ATP9B: variants seen among roughly 807,000 people sequenced by gnomAD.
ATP9B encodes ATPase phospholipid transporting 9B.
Under a neutral mutation model 146.1 loss-of-function variants are expected in ATP9B, and 110 were observed. The ratio of observed to expected loss-of-function variants is 0.75; its 90% CI spans 0.65 to 0.88. The LOEUF (loss-of-function observed/expected upper bound fraction) is 0.88, where lower values mean the gene tolerates loss of function less well. Among genes scored for constraint, ATP9B ranks in the 40% least tolerant of loss-of-function variants. ATP9B has a pLI of 0.00. For synonymous variants in ATP9B, 604 were observed against 569.7 expected (o/e 1.06, Z -0.86); for missense variants, 1,499 against 1,496.4 (o/e 1.00, Z -0.03).
chr18:79,077,461 A>G (rs546787792), intron 1 of ATP9B, among the ~76,000 whole-genome samples: 2 of 152,296 alleles, frequency 1.3e-5, no homozygotes, highest in Admixed American at 1.3e-4. Context: ...CTGACATTGC[A>G]TGGGTGGTGT....
rs1455744981 is a variant in ATP9B, at chr18:79,305,446, A to G, written c.1525-1540A>G. ...AACAAACATACGTACACAGCCAAAC[A>G]CTTTATTATTTTGGATGTAATTCAT... is the stretch of plus-strand genomic sequence containing the variant. On this transcript the variant is annotated intron_variant, in intron 14 of 29. Coordinates refer to ENST00000426216, the MANE Select transcript of ATP9B (RefSeq NM_198531.5). 2.6e-5 allele frequency among the ~76,000 whole-genome samples: 4 copies of G among 152,136 alleles called. 1 individual carries two copies. The South Asian group carries it at 6.2e-4, about 24-fold the overall frequency.
rs769469626 is a variant in ATP9B, at chr18:79,330,075, G to A, written c.1999G>A (p.Val667Met). Residue 667 changes from valine to methionine, a missense_variant, in exon 17 of 30, where the codon GTG (valine) becomes ATG (methionine). By Grantham distance (21) the Val-to-Met change is conservative. Transcript: ENST00000426216. The part of the protein sequence containing the change: ...KGADVAMSPI[V>M]QYNDWLEEEC... ...CGCTGACGTGGCCATGTCTCCTATCGTGCAGTATAATGACTGGCTGGAAGA... is the reference window on the plus strand; with the variant it reads ...CGCTGACGTGGCCATGTCTCCTATCATGCAGTATAATGACTGGCTGGAAGA... 323 of 1,614,024 alleles carry A rather than the reference G, an allele frequency of 2.0e-4. 1 individual carries two copies. The East Asian group carries it at 4.7e-3, about 23-fold the overall frequency.
intron 4 of ATP9B, among the ~76,000 whole-genome samples, chr18:79,120,648 CAG>C (rs1457528709): frequency 2.0e-5 from 3 of 152,138 alleles, no homozygotes; most frequent in Admixed American, 6.5e-5. Flanking sequence ...AGTAACAAAA[CAG>C]AATGTCATGC....
chr18:79,150,243 G>T (rs183920757), intron 6 of ATP9B, among the ~76,000 whole-genome samples: 1 of 151,822 alleles, frequency 6.6e-6, no homozygotes, highest in Non-Finnish European at 1.5e-5. Context: ...GTGAAGAAGC[G>T]GATCACTTGT....
At chr18:79,169,326 C>CT (rs2095034286) in intron 7 of ATP9B, among the ~76,000 whole-genome samples, 1 of 152,164 alleles carries the variant, frequency 6.6e-6, no homozygotes, top group Non-Finnish European at 1.5e-5. Flanking sequence ...ACTTGTTATA[C>CT]TGTCACCTAA....
Position 79,377,333 on chromosome 18 carries a change from T to C in ATP9B, c.3394T>C (p.Tyr1132His). 2 of 1,611,704 alleles carry C rather than the reference T, an allele frequency of 1.2e-6. No individual in the cohort carries two copies. The highest frequency in any genetic ancestry group is 2.2e-5 in the South Asian group (2 of 91,084). The change falls in exon 30 of 30, where the codon TAC becomes CAC. Residue 1132 changes from tyrosine (Y) to histidine (H), a missense_variant. Coordinates refer to ENST00000426216, the MANE Select transcript of ATP9B (RefSeq NM_198531.5). ...CTGCCTCCCGCTGTATGTCCTCAAG[T>C]ACCTGAGGCGCAAGCTCTCTCCTCC... is the stretch of plus-strand genomic sequence containing the variant. ...VSCLPLYVLKYLRRKLSPPSY... is the reference protein window; with the variant it reads ...VSCLPLYVLKHLRRKLSPPSY...
chr18:79,070,638 G>T (rs767166982), intron 1 of ATP9B, among the ~76,000 whole-genome samples: 4 of 151,644 alleles, frequency 2.6e-5, no homozygotes, highest in Non-Finnish European at 4.4e-5. Context: ...TTTCAAAATA[G>T]GTTTCCATCA....
intron 25 of ATP9B, among the ~76,000 whole-genome samples, chr18:79,348,709 C>T (rs1420100808): frequency 1.3e-5 from 2 of 152,266 alleles, no homozygotes; most frequent in Non-Finnish European, 2.9e-5. Flanking sequence ...GGCGCGGTGG[C>T]TCACGCCTGT....
intron 8 of ATP9B, among the ~76,000 whole-genome samples, chr18:79,192,509 G>A (rs986849919): frequency 3.9e-5 from 6 of 152,208 alleles, no homozygotes; most frequent in African/African-American, 1.4e-4. Flanking sequence ...ACCAGGCTCA[G>A]CCTTGCCTCT....
intron 1 of ATP9B, among the ~76,000 whole-genome samples, chr18:79,079,240 G>A (rs1280296007): frequency 6.6e-6 from 1 of 152,194 alleles, no homozygotes; most frequent in Non-Finnish European, 1.5e-5. Flanking sequence ...TTGCTACACT[G>A]TCTTCCACAA....
At chr18:79,203,538 GAGTGTTC>G (rs2095507678) in intron 9 of ATP9B, among the ~76,000 whole-genome samples, 1 of 152,202 alleles carries the variant, frequency 6.6e-6, no homozygotes, top group Non-Finnish European at 1.5e-5. Flanking sequence ...AGAATTTCAT[GAGTGTTC>G]TTTTGTTTAT....
chr18:79,159,623 C>T (rs1169288151), intron 7 of ATP9B, among the ~76,000 whole-genome samples: 1 of 152,200 alleles, frequency 6.6e-6, no homozygotes, highest in African/African-American at 2.4e-5. Context: ...TCAGCTACAG[C>T]TCCATTGCCT....
chr18:79,079,274 A>T (rs1321215044), intron 1 of ATP9B, among the ~76,000 whole-genome samples: 1 of 152,224 alleles, frequency 6.6e-6, no homozygotes, highest in African/African-American at 2.4e-5. Context: ...TTACACTCCC[A>T]CCAACAGTAT....
At position 79,307,119 on chromosome 18, in the gene ATP9B, A is replaced by G. The variant is rs776019637; in HGVS notation, c.1658A>G (p.Asn553Ser). 2 of 1,614,238 alleles carry G rather than the reference A, an allele frequency of 1.2e-6. No homozygotes were observed. The highest frequency in any genetic ancestry group is 1.1e-5 in the South Asian group (1 of 91,076). ...GTGAAAGCCATCGTGCTGTGTCACA[A>G]CGTGACCCCCGTGTATGAGTCTCGG... Reference protein sequence around the residue: ...EAVKAIVLCHNVTPVYESRAG... With the variant: ...EAVKAIVLCHSVTPVYESRAG... The change falls in exon 15 of 30, where the codon AAC (asparagine) becomes AGC (serine). Residue 553 changes from asparagine to serine, a missense_variant. By Grantham distance (46) the Asn-to-Ser change is conservative (BLOSUM62 1). Transcript: ENST00000426216.
intron 11 of ATP9B, among the ~76,000 whole-genome samples, chr18:79,214,905 T>C (rs2095613176): frequency 6.6e-6 from 1 of 152,172 alleles, no homozygotes; most frequent in Non-Finnish European, 1.5e-5. Context: ...TACAGCACTT[T>C]GGGAGGCTGA....
chr18:79,087,043 C>T (rs1364198982), intron 1 of ATP9B, among the ~76,000 whole-genome samples: 3 of 152,194 alleles, frequency 2.0e-5, no homozygotes, highest in African/African-American at 7.2e-5. Context: ...ATTTCTCACA[C>T]TTCTTGAGGC....
chr18:79,210,373 G>A (rs1335151933), intron 10 of ATP9B, among the ~76,000 whole-genome samples: 1 of 152,154 alleles, frequency 6.6e-6, no homozygotes, highest in Non-Finnish European at 1.5e-5. Context: ...CCTGGGTGCG[G>A]GTCTCCTTGT....
intron 7 of ATP9B, among the ~76,000 whole-genome samples, chr18:79,165,864 T>G (rs891005123): frequency 5.3e-5 from 8 of 152,150 alleles, no homozygotes; most frequent in Non-Finnish European, 1.2e-4. Flanking sequence ...GGCACTAACA[T>G]AAAGTAACTT....
At chr18:79,304,980 G>A (rs2096612634) in intron 14 of ATP9B, among the ~76,000 whole-genome samples, 1 of 152,156 alleles carries the variant, frequency 6.6e-6, no homozygotes, top group Non-Finnish European at 1.5e-5. Context: ...AGCTCACCCT[G>A]GGGGGTGTGA....
Sources: allele counts gnomAD v4.1 joint callset (sites outside exome capture counted in the v4.1 genomes callset), GRCh38; gene constraint gnomAD v4.1.1; transcripts MANE v1.5; gene names NCBI Gene and HGNC (gene_info 2026-07-23, HGNC 2026-07-21).